The following TTLL7 variants were observed in gnomAD, a reference collection of about 807,000 sequenced individuals.
The protein encoded by TTLL7 is tubulin tyrosine ligase like 7, also known as tubulin polyglutamylase TTLL7.
Under a neutral mutation model 120.2 loss-of-function variants are expected in TTLL7, and 53 were observed. That is an observed-to-expected ratio of 0.44 (90% CI 0.35 to 0.55). The LOEUF is 0.55. Among genes scored for constraint, TTLL7 ranks in the 20% least tolerant of loss-of-function variants. The probability of loss-of-function intolerance (pLI) is 0.00; values close to 1 mark genes in which losing one functional copy is unlikely to be tolerated. For synonymous variants in TTLL7, 353 were observed against 351.7 expected (o/e 1.00, Z -0.04); for missense variants, 803 against 1,054.7 (o/e 0.76, Z 3.31).
chr1:83,890,112 T>C (rs1382181192), intron 19 of TTLL7, among the ~76,000 whole-genome samples: 1 of 152,068 alleles, frequency 6.6e-6, no homozygotes, highest in Non-Finnish European at 1.5e-5. Context: ...CTCCACCGAA[T>C]TCAAATTAAT....
intron 10 of TTLL7, among the ~76,000 whole-genome samples, chr1:83,927,163 A>G (rs1181284285): frequency 6.6e-6 from 1 of 152,180 alleles, no homozygotes; most frequent in East Asian, 1.9e-4. Flanking sequence ...GACTAAAAGC[A>G]TATGTTTACA....
chr1:83,938,860 A>G (rs1350351092), intron 7 of TTLL7, among the ~76,000 whole-genome samples: 1 of 152,190 alleles, frequency 6.6e-6, no homozygotes, highest in Non-Finnish European at 1.5e-5. Flanking sequence ...GTTACATCAC[A>G]ATTAAAATAT....
chr1:83,902,754 T>C (rs74756313), intron 18 of TTLL7, among the ~76,000 whole-genome samples: 2,691 of 152,048 alleles, frequency 0.018, 87 homozygotes, highest in African/African-American at 0.061. Flanking sequence ...TTGTTCACCA[T>C]ACACAATCTT....
At chr1:83,885,497 TCTCA>T (rs1376938423) in intron 19 of TTLL7, among the ~76,000 whole-genome samples, 3 of 152,042 alleles carry the variant, frequency 2.0e-5, no homozygotes, top group Non-Finnish European at 4.4e-5. Flanking sequence ...CTTCTCACTC[TCTCA>T]TTCTCCCTTA....
intron 18 of TTLL7, 130 bp from the exon 19 acceptor site, chr1:83,890,611 G>C: frequency 1.6e-6 from 1 of 628,588 alleles, no homozygotes. Flanking sequence ...CTACAAAACT[G>C]TTTTAAAAAT....
intron 1 of TTLL7, among the ~76,000 whole-genome samples, chr1:83,990,376 C>T (rs1490095896): frequency 6.6e-6 from 1 of 152,038 alleles, no homozygotes; most frequent in Non-Finnish European, 1.5e-5. Context: ...GGGGTTTCAC[C>T]TTGTTAGCCA....
chr1:83,921,422 C>G lies in TTLL7; in HGVS notation c.1143-28G>C, dbSNP rs778381979. The G allele has an allele frequency of 3.1e-6, 5 of 1,606,342 alleles. No individual in the cohort carries two copies. In the Admixed American group the frequency reaches 8.5e-5, roughly 27 times the overall value. On this transcript the variant is annotated intron_variant, in intron 10 of 20. Transcript: ENST00000260505. ...AAAATATAAAACATAAGACCATATT[C>G]TAGAACTCGAACAAGTTCTGATCTT... is the stretch of plus-strand genomic sequence containing the variant.
intron 14 of TTLL7, among the ~76,000 whole-genome samples, chr1:83,915,711 C>T (rs1658094867): frequency 6.6e-6 from 1 of 151,916 alleles, no homozygotes; most frequent in Non-Finnish European, 1.5e-5. Context: ...AGGCAACCTA[C>T]AGAATGGGAG....
chr1:83,869,920 A>G lies in TTLL7; in HGVS notation c.*42T>C. On this transcript the variant is annotated 3_prime_UTR_variant, in exon 21 of 21. Transcript: ENST00000260505. ...TGTTCAACTTCAGAGGAAAAAAATG[A>G]ATTGCTGTTATGTATAACCAATGGC... 6.3e-7 allele frequency: 1 copy of G among 1,581,684 alleles called. No homozygotes were observed. The highest frequency in any genetic ancestry group is 8.5e-7 in the Non-Finnish European group (1 of 1,170,676).
chr1:83,962,034 A>G (rs1010109845), intron 1 of TTLL7, among the ~76,000 whole-genome samples: 1 of 152,144 alleles, frequency 6.6e-6, no homozygotes, highest in Non-Finnish European at 1.5e-5. Flanking sequence ...GATTTCAATA[A>G]CTTTGATCAC....
At chr1:83,881,909 T>TA (rs1180914844) in intron 20 of TTLL7, among the ~76,000 whole-genome samples, 1 of 150,146 alleles carries the variant, frequency 6.7e-6, no homozygotes, top group East Asian at 2.0e-4. Context: ...TATGCAGCCA[T>TA]AAAAAAGGAT....
chr1:83,929,869 A>G (rs1283860571), intron 9 of TTLL7, among the ~76,000 whole-genome samples: 1 of 152,178 alleles, frequency 6.6e-6, no homozygotes, highest in Non-Finnish European at 1.5e-5. Flanking sequence ...GCTGAGTTCA[A>G]CACAACAGCT....
intron 1 of TTLL7, among the ~76,000 whole-genome samples, chr1:83,995,108 T>C (rs949805790): frequency 4.3e-4 from 65 of 152,172 alleles, no homozygotes; most frequent in African/African-American, 1.4e-3. Flanking sequence ...CCAGTCTCCA[T>C]GATTTAATCA....
At chr1:83,934,579 T>C (rs1428726775) in intron 8 of TTLL7, among the ~76,000 whole-genome samples, 2 of 152,216 alleles carry the variant, frequency 1.3e-5, no homozygotes, top group Admixed American at 1.3e-4. Context: ...ATAATACTAC[T>C]AGGGTGAGTT....
At chr1:83,979,710 G>A (rs1024998505) in intron 1 of TTLL7, 4 of 152,196 alleles carry the variant, frequency 2.6e-5, no homozygotes, top group African/African-American at 9.7e-5. Context: ...TTGGAAGTTA[G>A]AAGCAAAATG....
chr1:83,950,079 G>A (rs1347283087), intron 3 of TTLL7, 93 bp from the exon 4 acceptor site: 7 of 1,150,360 alleles, frequency 6.1e-6, no homozygotes, highest in Non-Finnish European at 8.4e-6. Flanking sequence ...TTAGTTCATA[G>A]TATTTCATTT....
chr1:83,885,861 T>TA (rs1654931189), intron 19 of TTLL7, among the ~76,000 whole-genome samples: 1 of 152,080 alleles, frequency 6.6e-6, no homozygotes, highest in South Asian at 2.1e-4. Context: ...TAAAAATAGT[T>TA]AAAATACCAG....
chr1:83,931,824 C>T (rs760247723), intron 9 of TTLL7, among the ~76,000 whole-genome samples: 70 of 152,298 alleles, frequency 4.6e-4, no homozygotes, highest in African/African-American at 1.6e-3. Flanking sequence ...AAAGTTATCA[C>T]ATACCCAGAA....
chr1:83,956,019 T>C (rs1649477633), intron 1 of TTLL7, among the ~76,000 whole-genome samples: 1 of 152,084 alleles, frequency 6.6e-6, no homozygotes, highest in African/African-American at 2.4e-5. Context: ...AATCAATTCA[T>C]GAGAGCTGAG....
Sources: allele counts gnomAD v4.1 joint callset (sites outside exome capture counted in the v4.1 genomes callset), GRCh38; gene constraint gnomAD v4.1.1; transcripts MANE v1.5; gene names NCBI Gene and HGNC (gene_info 2026-07-23, HGNC 2026-07-21).